The following SLIT3 variants were observed in gnomAD, a reference collection of about 807,000 sequenced individuals.
SLIT3 encodes slit guidance ligand 3.
SLIT3 carries 68 observed loss-of-function variants against 184.0 expected under a neutral mutation model. That is an observed-to-expected ratio of 0.37 (90% CI 0.30 to 0.45). SLIT3 has a LOEUF of 0.45. Among genes scored for constraint, SLIT3 ranks in the 20% least tolerant of loss-of-function variants. The pLI, the probability that SLIT3 is intolerant of heterozygous loss-of-function variation, is 1.00. For synonymous variants in SLIT3, 831 were observed against 828.6 expected (o/e 1.00, Z -0.05); for missense variants, 1,707 against 2,026.0 (o/e 0.84, Z 3.02).
chr5:168,946,795 A>C (rs1178319920), intron 4 of SLIT3, among the ~76,000 whole-genome samples: 1 of 152,130 alleles, frequency 6.6e-6, no homozygotes, highest in Non-Finnish European at 1.5e-5. Flanking sequence ...CAGTTACTCC[A>C]GGGTTTAGAA....
At chr5:168,804,935 G>A (rs1756905660) in intron 9 of SLIT3, among the ~76,000 whole-genome samples, 2 of 152,114 alleles carry the variant, frequency 1.3e-5, no homozygotes, top group South Asian at 4.2e-4. Flanking sequence ...TGGAGCATCA[G>A]GCCCACTCCA....
intron 4 of SLIT3, among the ~76,000 whole-genome samples, chr5:168,916,208 A>G (rs2113103383): frequency 6.6e-6 from 1 of 152,350 alleles, no homozygotes; most frequent in South Asian, 2.1e-4. Flanking sequence ...GTGATCTCTA[A>G]GGCTCTTTTT....
chr5:168,769,317 G>A (rs1301397256), intron 14 of SLIT3, among the ~76,000 whole-genome samples: 1 of 152,202 alleles, frequency 6.6e-6, no homozygotes, highest in Non-Finnish European at 1.5e-5. Flanking sequence ...GGCTGGAGAT[G>A]TGCATCTTGA....
intron 1 of SLIT3, among the ~76,000 whole-genome samples, chr5:169,258,677 G>A (rs1402477386): frequency 1.3e-5 from 2 of 152,126 alleles, no homozygotes; most frequent in African/African-American, 4.8e-5. Flanking sequence ...CCTTGGGTGG[G>A]GTAGGGAGAA....
At chr5:168,753,801 C>CT in intron 17 of SLIT3, 63 bp downstream of exon 17, 1 of 1,571,100 alleles carries the variant, frequency 6.4e-7, no homozygotes, top group Non-Finnish European at 8.6e-7. Context: ...TAGTCTGTCT[C>CT]TAATTCCCCT....
chr5:169,193,391 C>A, intron 4 of SLIT3, 88 bp downstream of exon 4: 1 of 1,115,320 alleles, frequency 9.0e-7, no homozygotes, highest in African/African-American at 1.5e-5. Context: ...CCAAGCTCCA[C>A]ACGGCACGGC....
intron 4 of SLIT3, among the ~76,000 whole-genome samples, chr5:168,919,276 G>C (rs913518604): frequency 1.4e-5 from 2 of 142,088 alleles, no homozygotes; most frequent in African/African-American, 2.5e-5. Context: ...AAAAAAAAAA[G>C]AAACATAGGA....
chr5:168,883,697 A>G (rs1449892395), intron 4 of SLIT3, among the ~76,000 whole-genome samples: 12 of 59,056 alleles, frequency 2.0e-4, no homozygotes, highest in African/African-American at 8.2e-4. Flanking sequence ...CAACCCCCAC[A>G]CGGCATTCCT....
chr5:168,880,333 A>G (rs1008075805), intron 5 of SLIT3, among the ~76,000 whole-genome samples: 3 of 152,220 alleles, frequency 2.0e-5, no homozygotes, highest in African/African-American at 7.2e-5. Context: ...CTCGCAGTCA[A>G]GGCTCTCCAG....
intron 6 of SLIT3, among the ~76,000 whole-genome samples, chr5:168,839,312 T>C (rs2113703728): frequency 6.6e-6 from 1 of 152,220 alleles, no homozygotes; most frequent in Middle Eastern, 3.4e-3. Context: ...ACACAGCGTG[T>C]CTTTTCTTCT....
rs146187348 is a variant in SLIT3, at chr5:168,742,993, G to A, written c.2270+5309C>T. 3.9e-3 allele frequency among the ~76,000 whole-genome samples: 589 copies of A among 152,232 alleles called. 2 individuals carry two copies. Among genetic ancestry groups the A allele is most frequent in the African/African-American group, 0.013 (555 of 41,546 alleles). On this transcript the variant is annotated intron_variant, in intron 20 of 35. Coordinates refer to ENST00000519560, the MANE Select transcript of SLIT3 (RefSeq NM_003062.4). ...AAAAAAATACAAAAATTAGCTGAGCGTGGTGGCATGCGCCTGTAGTCCCAG... is the reference window on the plus strand; with the variant it reads ...AAAAAAATACAAAAATTAGCTGAGCATGGTGGCATGCGCCTGTAGTCCCAG...
At chr5:169,040,815 A>T (rs1757423958) in intron 4 of SLIT3, among the ~76,000 whole-genome samples, 1 of 152,206 alleles carries the variant, frequency 6.6e-6, no homozygotes, top group Non-Finnish European at 1.5e-5. Flanking sequence ...GACCTGAAGA[A>T]TCCTACCAAT....
intron 25 of SLIT3, chr5:168,710,084 C>T (rs1283844479): frequency 6.6e-6 from 1 of 151,538 alleles, no homozygotes; most frequent in East Asian, 1.9e-4. Context: ...AATGGTAAGA[C>T]AAAAAAATGG....
chr5:168,920,508 C>G (rs1360781645), intron 4 of SLIT3, among the ~76,000 whole-genome samples: 1 of 152,174 alleles, frequency 6.6e-6, no homozygotes, highest in Non-Finnish European at 1.5e-5. Context: ...CCAGCGAGAC[C>G]ATCACGGCGG....
intron 4 of SLIT3, among the ~76,000 whole-genome samples, chr5:169,167,407 T>TG (rs1356777158): frequency 1.3e-5 from 2 of 150,820 alleles, no homozygotes; most frequent in Non-Finnish European, 2.9e-5. Context: ...CCCGAGTAGC[T>TG]GGGATTACAG....
intron 12 of SLIT3, among the ~76,000 whole-genome samples, chr5:168,778,420 T>C (rs995418538): frequency 3.9e-5 from 6 of 152,244 alleles, no homozygotes; most frequent in African/African-American, 1.4e-4. Flanking sequence ...CTATTTTTGC[T>C]AGCCTTCACT....
At chr5:169,082,858 T>C (rs2113167439) in intron 4 of SLIT3, among the ~76,000 whole-genome samples, 1 of 152,348 alleles carries the variant, frequency 6.6e-6, no homozygotes, top group Middle Eastern at 3.4e-3. Context: ...GCTAAATTTA[T>C]CTCTGCTCCT....
intron 4 of SLIT3, among the ~76,000 whole-genome samples, chr5:168,922,529 G>C (rs1761673392): frequency 6.6e-6 from 1 of 151,898 alleles, no homozygotes; most frequent in African/African-American, 2.4e-5. Context: ...GTGGGAACGT[G>C]CATGATGCAT....
chr5:169,020,168 C>G (rs1189217279), intron 4 of SLIT3, among the ~76,000 whole-genome samples: 2 of 152,166 alleles, frequency 1.3e-5, no homozygotes, highest in Non-Finnish European at 1.5e-5. Flanking sequence ...TACTATCTGG[C>G]CTTTTACAGA....
Sources: allele counts gnomAD v4.1 joint callset (sites outside exome capture counted in the v4.1 genomes callset), GRCh38; gene constraint gnomAD v4.1.1; transcripts MANE v1.5; gene names NCBI Gene and HGNC (gene_info 2026-07-23, HGNC 2026-07-21).